The following XKR6 variants were observed in gnomAD, a reference collection of about 807,000 sequenced individuals.
The protein encoded by XKR6 is XK related 6.
A neutral mutation model predicts 56.7 loss-of-function variants in XKR6; 22 were observed. The observed-to-expected ratio is 0.39, with a 90% CI of 0.28 to 0.55. XKR6 has a LOEUF of 0.55. XKR6 is among the 20% of genes least tolerant of loss of function. The pLI is 0.66. For missense variants in XKR6, 852 were observed against 889.0 expected (o/e 0.96, Z 0.53); for synonymous variants, 524 against 387.8 (o/e 1.35, Z -4.13).
At chr8:10,900,700 A>C (rs1755371615) in intron 2 of XKR6, among the ~76,000 whole-genome samples, 2 of 152,316 alleles carry the variant, frequency 1.3e-5, no homozygotes, top group Admixed American at 1.3e-4. Flanking sequence ...TGTGGTACAC[A>C]CAAGACATCT....
chr8:10,960,555 C>T (rs1384151603), intron 1 of XKR6, among the ~76,000 whole-genome samples: 2 of 152,224 alleles, frequency 1.3e-5, no homozygotes, highest in African/African-American at 2.4e-5. Flanking sequence ...TCTAGGTCAG[C>T]TGTCTGCCAC....
chr8:10,908,931 G>C (rs960078769), intron 2 of XKR6, among the ~76,000 whole-genome samples: 2 of 152,190 alleles, frequency 1.3e-5, no homozygotes, highest in African/African-American at 4.8e-5. Flanking sequence ...TTGGGAGGCC[G>C]AGGTGGGCAG....
intron 1 of XKR6, among the ~76,000 whole-genome samples, chr8:11,059,462 G>T (rs1799772095): frequency 2.0e-5 from 3 of 152,152 alleles, no homozygotes; most frequent in Admixed American, 6.5e-5. Context: ...CCGGCGCCGA[G>T]AAGGAGGCCC....
intron 2 of XKR6, among the ~76,000 whole-genome samples, chr8:10,911,339 A>ATATG (rs1430857211): frequency 1.2e-4 from 13 of 111,932 alleles, no homozygotes; most frequent in African/African-American, 3.4e-4. Flanking sequence ...ATATATATAT[A>ATATG]TGTGTGTGTG....
Position 10,955,637 on chromosome 8 carries a change from G to C in XKR6, c.765-30807C>G, listed in dbSNP as rs188733916. On this transcript the variant is annotated intron_variant, in intron 1 of 2. Coordinates refer to ENST00000416569, the MANE Select transcript of XKR6 (RefSeq NM_173683.4). ...AAGTAGTTTGCCTAAGGTCACACAA[G>C]TAGTAGACAGCAGAGCTGGGAGGTG... 4.8e-3 allele frequency among the ~76,000 whole-genome samples: 735 copies of C among 152,336 alleles called. 5 individuals carry two copies. The highest frequency in any genetic ancestry group is 7.7e-3 in the Non-Finnish European group (525 of 68,040).
Position 10,896,080 on chromosome 8 carries a change from TG to T in XKR6, c.*1871del, listed in dbSNP as rs1235160688. 6 of 99,668 alleles carry T rather than the reference TG, an allele frequency of 6.0e-5. No homozygotes were observed. The highest frequency in any genetic ancestry group is 1.3e-4 in the Admixed American group (1 of 7,544). The allele number at this position is 99,668 out of a possible 1,614,324, so 6.2% of individuals were successfully genotyped here. A position where few individuals can be genotyped will look rare whatever the true frequency, so the allele number is the denominator to read the frequency against. ...AGTATTTACTTAAAAATATTGTGTG[TG>T]TTTATATATATATATATATATATAC... On this transcript the variant is annotated 3_prime_UTR_variant, in exon 3 of 3. Coordinates refer to ENST00000416569, the MANE Select transcript of XKR6 (RefSeq NM_173683.4).
At chr8:11,009,185 G>C (rs1200387787) in intron 1 of XKR6, among the ~76,000 whole-genome samples, 1 of 152,050 alleles carries the variant, frequency 6.6e-6, no homozygotes, top group African/African-American at 2.4e-5. Flanking sequence ...GTGTGTAAGT[G>C]GTGCATGTCT....
intron 1 of XKR6, among the ~76,000 whole-genome samples, chr8:10,996,681 T>TA (rs997602297): frequency 6.6e-6 from 1 of 152,022 alleles, no homozygotes; most frequent in East Asian, 1.9e-4. Flanking sequence ...TTCTGGTCCA[T>TA]AAAAAAGGGG....
At chr8:11,105,699 T>C (rs547156312) in intron 1 of XKR6, 1 of 152,316 alleles carries the variant, frequency 6.6e-6, no homozygotes, top group South Asian at 2.1e-4. Flanking sequence ...AGTACAAAGC[T>C]CTTTTATTTG....
intron 1 of XKR6, among the ~76,000 whole-genome samples, chr8:11,149,097 T>C (rs1034249955): frequency 1.3e-5 from 2 of 152,184 alleles, no homozygotes; most frequent in East Asian, 1.9e-4. Flanking sequence ...AAAATTCAGA[T>C]GTTGAAAGCC....
At chr8:10,946,347 G>A (rs1207605087) in intron 1 of XKR6, among the ~76,000 whole-genome samples, 1 of 152,108 alleles carries the variant, frequency 6.6e-6, no homozygotes, top group Admixed American at 6.5e-5. Flanking sequence ...ATCGTGTAAT[G>A]GACACGTGCA....
intron 2 of XKR6, among the ~76,000 whole-genome samples, chr8:10,918,584 A>C (rs1186030886): frequency 1.3e-5 from 2 of 152,180 alleles, no homozygotes; most frequent in Non-Finnish European, 2.9e-5. Context: ...GTCCTTGCTT[A>C]TGGGCACAGG....
chr8:11,192,473 A>G (rs1018600676), intron 1 of XKR6, among the ~76,000 whole-genome samples: 5 of 151,948 alleles, frequency 3.3e-5, no homozygotes, highest in African/African-American at 1.2e-4. Flanking sequence ...AAACGAGTAA[A>G]GCATGGTGGC....
intron 1 of XKR6, among the ~76,000 whole-genome samples, chr8:10,927,131 T>G (rs1800911500): frequency 6.6e-6 from 1 of 151,912 alleles, no homozygotes. Context: ...CATCGGTAGT[T>G]TGGGAGGGGC....
intron 1 of XKR6, among the ~76,000 whole-genome samples, chr8:11,048,835 C>T (rs1243405967): frequency 1.3e-5 from 2 of 152,220 alleles, no homozygotes; most frequent in African/African-American, 4.8e-5. Context: ...CTGCTCTGTC[C>T]TCTCGCTGGC....
intron 1 of XKR6, among the ~76,000 whole-genome samples, chr8:10,942,886 C>A (rs944108974): frequency 6.6e-6 from 1 of 152,232 alleles, no homozygotes; most frequent in Admixed American, 6.5e-5. Flanking sequence ...CCTGACGCAT[C>A]CTTCTGAGGG....
chr8:11,044,180 G>A (rs1461799350), intron 1 of XKR6, among the ~76,000 whole-genome samples: 2 of 152,210 alleles, frequency 1.3e-5, no homozygotes, highest in Non-Finnish European at 2.9e-5. Flanking sequence ...GCTGAGCACT[G>A]AGGGCCTTCA....
Position 10,898,389 on chromosome 8 carries a change from C to T in XKR6, c.1489G>A (p.Val497Met), listed in dbSNP as rs186488577. 276 of 1,614,016 alleles carry T rather than the reference C, an allele frequency of 1.7e-4. 1 individual carries two copies. Among genetic ancestry groups the T allele is most frequent in the East Asian group, 2.7e-4 (12 of 44,864 alleles). ...GCTCGTGGTCCTGTGGGATGCAGCA[C>T]GCCATAGTATAAGAGCATCATTGCG... ...GIAMMLLYYG[V>M]LHPTGPRAKI... The change falls in exon 3 of 3, where the codon GTG (valine) becomes ATG (methionine). Residue 497 changes from valine (V) to methionine (M), a missense_variant. Val to Met is a conservative substitution (Grantham distance 21, BLOSUM62 1). Coordinates refer to ENST00000416569, the MANE Select transcript of XKR6 (RefSeq NM_173683.4). The surrounding 1 kb of genome is among the most constrained non-coding windows in gnomAD (Gnocchi z 6.6).
chr8:11,120,652 C>A (rs1389264544), intron 1 of XKR6, among the ~76,000 whole-genome samples: 5 of 152,140 alleles, frequency 3.3e-5, no homozygotes, highest in Admixed American at 6.6e-5. Context: ...CATCAAGCTA[C>A]CAATGACTTT....
Sources: gnomAD v4.1 joint callset for allele counts (sites outside exome capture counted in the v4.1 genomes callset) on GRCh38, gnomAD v4.1.1 for gene constraint, Gnocchi (gnomAD v3.1) non-coding constraint, MANE v1.5 for transcripts, NCBI Gene and HGNC (gene_info 2026-07-23, HGNC 2026-07-21) for gene names.